Variants in TIAM1 observed in about 807,000 individuals in gnomAD.
The protein encoded by TIAM1 is TIAM Rac1 associated GEF 1, also known as rho guanine nucleotide exchange factor TIAM1.
In TIAM1, 65 loss-of-function variants were observed where a neutral mutation model predicts 163.5. The ratio of observed to expected loss-of-function variants is 0.40; its 90% CI spans 0.33 to 0.49. The LOEUF is 0.49. Ranked by LOEUF, TIAM1 falls within the 20% of genes least tolerant of loss-of-function variation. The probability of loss-of-function intolerance (pLI) is 0.77; values close to 1 mark genes in which losing one functional copy is unlikely to be tolerated. For synonymous variants in TIAM1, 833 were observed against 810.1 expected (o/e 1.03, Z -0.48); for missense variants, 1,789 against 2,044.7 (o/e 0.87, Z 2.41).
intron 25 of TIAM1, 137 bp downstream of exon 25, chr21:31,130,076 A>G (rs2082349201): frequency 1.5e-6 from 1 of 653,722 alleles, no homozygotes; most frequent in East Asian, 2.5e-5. Flanking sequence ...AGACCGAGAG[A>G]CAAGAGAGTT....
intron 16 of TIAM1, among the ~76,000 whole-genome samples, chr21:31,163,971 C>T (rs116396860): frequency 9.9e-5 from 15 of 152,120 alleles, no homozygotes; most frequent in African/African-American, 2.9e-4. Flanking sequence ...GCTTTTTTTG[C>T]GGGGGCAGTG....
At chr21:31,409,650 C>G (rs1476554877) in intron 2 of TIAM1, among the ~76,000 whole-genome samples, 1 of 152,214 alleles carries the variant, frequency 6.6e-6, no homozygotes, top group Non-Finnish European at 1.5e-5. Flanking sequence ...AGGCCCGCTT[C>G]CCTTGCAGCC....
At chr21:31,355,336 C>G (rs1399640343) in intron 2 of TIAM1, among the ~76,000 whole-genome samples, 2 of 152,016 alleles carry the variant, frequency 1.3e-5, no homozygotes, top group African/African-American at 4.8e-5. Context: ...TAGTGGCCAC[C>G]TTGGTCTATT....
At chr21:31,442,235 T>G (rs7281393) in intron 2 of TIAM1, among the ~76,000 whole-genome samples, 5,050 of 142,812 alleles carry the variant, frequency 0.035, 312 homozygotes, top group African/African-American at 0.12. Flanking sequence ...GTAGGGAGTT[T>G]TTTTTTTTTT....
chr21:31,476,789 G>A (rs1024094468), intron 1 of TIAM1, among the ~76,000 whole-genome samples: 5 of 152,202 alleles, frequency 3.3e-5, no homozygotes, highest in African/African-American at 9.7e-5. Flanking sequence ...CAGGGCAGTA[G>A]AATGCTGATG....
rs76107360 is a variant in TIAM1 at position 31,364,396 on chromosome 21, C to T, written c.-368-24974G>A. ...ACTAAGATTGTGATCAAATGAGAAA[C>T]CCTCCAAAGACCTCTGCTGAATACC... On this transcript the variant is annotated intron_variant, in intron 2 of 28. Coordinates refer to the TIAM1 transcript ENST00000286827. Among the ~76,000 whole-genome samples, 1,057 of 152,256 alleles carry T rather than the reference C, an allele frequency of 6.9e-3. 8 individuals are homozygous for T. The highest frequency in any genetic ancestry group is 0.023 in the African/African-American group (965 of 41,550).
intron 13 of TIAM1, among the ~76,000 whole-genome samples, chr21:31,189,267 C>A (rs1384008541): frequency 6.6e-6 from 1 of 151,866 alleles, no homozygotes; most frequent in African/African-American, 2.4e-5. Context: ...GCTGGCCAGA[C>A]TGGTCTCAAA....
chr21:31,303,973 A>G (rs2074599999), intron 2 of TIAM1, among the ~76,000 whole-genome samples: 1 of 152,118 alleles, frequency 6.6e-6, no homozygotes, highest in South Asian at 2.1e-4. Context: ...GTGAGACGCC[A>G]TCTCAAAAAA....
At chr21:31,394,968 T>C (rs573348903) in intron 2 of TIAM1, among the ~76,000 whole-genome samples, 4 of 152,206 alleles carry the variant, frequency 2.6e-5, no homozygotes, top group African/African-American at 9.7e-5. Flanking sequence ...CCAGGCATGA[T>C]GGCTCATACC....
intron 2 of TIAM1, among the ~76,000 whole-genome samples, chr21:31,374,400 C>A (rs1363066678): frequency 6.6e-6 from 1 of 152,190 alleles, no homozygotes. Context: ...CTTCTCCCAC[C>A]TCATATACCT....
chr21:31,291,037 C>T (rs1197307892), intron 2 of TIAM1, among the ~76,000 whole-genome samples: 1 of 152,124 alleles, frequency 6.6e-6, no homozygotes, highest in Non-Finnish European at 1.5e-5. Context: ...AATAAAACCG[C>T]ACCATATGTA....
At chr21:31,380,775 T>C (rs1293970305) in intron 2 of TIAM1, among the ~76,000 whole-genome samples, 1 of 152,174 alleles carries the variant, frequency 6.6e-6, no homozygotes, top group Non-Finnish European at 1.5e-5. Flanking sequence ...AAATCCTAAA[T>C]TTAACATATC....
In TIAM1 at chr21:31,120,327, G is replaced by A. The variant is rs1352800343; in HGVS notation, c.*41C>T. On this transcript the variant is annotated 3_prime_UTR_variant, in exon 28 of 28. Coordinates refer to ENST00000541036, the MANE Select transcript of TIAM1 (RefSeq NM_001353694.2). The surrounding 1 kb of genome is among the most constrained non-coding windows in gnomAD (Gnocchi z 4.2). ...CAGGAGGGTGGGCAGAGTTAGGGCA[G>A]GAAGTATCTACACACATTCTCTACG... 6.5e-7 allele frequency: 1 copy of A among 1,545,476 alleles called. No homozygotes were observed. Among genetic ancestry groups the A allele is most frequent in the Non-Finnish European group, 8.8e-7 (1 of 1,140,820 alleles).
intron 2 of TIAM1, among the ~76,000 whole-genome samples, chr21:31,312,773 T>C (rs2074979440): frequency 6.6e-6 from 1 of 152,182 alleles, no homozygotes; most frequent in Non-Finnish European, 1.5e-5. Flanking sequence ...TTCATGCTCC[T>C]TTCCCGGAGG....
At chr21:31,216,979 G>A (rs549577127) in intron 9 of TIAM1, among the ~76,000 whole-genome samples, 3 of 152,118 alleles carry the variant, frequency 2.0e-5, no homozygotes, top group African/African-American at 7.2e-5. Context: ...AGGCTGAGGC[G>A]GGTGGATCAT....
chr21:31,211,276 G>A (rs995801250), intron 10 of TIAM1, among the ~76,000 whole-genome samples: 1 of 152,162 alleles, frequency 6.6e-6, no homozygotes, highest in Non-Finnish European at 1.5e-5. Flanking sequence ...AGCAGAGGAT[G>A]TTCCTTAGCT....
intron 1 of TIAM1, among the ~76,000 whole-genome samples, chr21:31,464,199 G>T (rs1048647005): frequency 2.6e-5 from 4 of 152,128 alleles, no homozygotes; most frequent in Non-Finnish European, 5.9e-5. Flanking sequence ...AGAAACAAAG[G>T]CCGTAAAATT....
chr21:31,120,764 A>ATCAG lies in TIAM1; in HGVS notation c.4376_4379dup (p.Ala1461Ter). The ATCAG allele has an allele frequency of 6.2e-7, 1 of 1,614,060 alleles. No homozygotes were observed. The highest frequency in any genetic ancestry group is 1.1e-5 in the South Asian group (1 of 91,066). ...TCTCCGGGCTGCTTGCGGAGACGGC[A>ATCAG]TCAGAATCAATGGTAAACCTGTTTC... is the stretch of plus-strand genomic sequence containing the variant. On this transcript the variant is annotated stop_gained and frameshift_variant, in exon 28 of 28. Transcript: ENST00000541036. LOFTEE classifies it high-confidence loss of function. This position sits in a 1 kb window ranked among gnomAD's most constrained non-coding sequence, Gnocchi z 4.2.
rs529102418 is a variant in TIAM1 at position 31,395,499 on chromosome 21, C to T, written c.-368-56077G>A. Among the ~76,000 whole-genome samples the T allele has an allele frequency of 6.6e-6, 1 of 152,126 alleles. No individual in the cohort carries two copies. The highest frequency in any genetic ancestry group is 2.4e-5 in the African/African-American group (1 of 41,412). On this transcript the variant is annotated intron_variant, in intron 2 of 28. Transcript: ENST00000286827. The surrounding 1 kb of genome is among the most constrained non-coding windows in gnomAD (Gnocchi z 7.5). ...GGAGACCGAGGTCATCTAAACACAG[C>T]CAATCACCAGATACGCCACAGAGGC...
Sources: allele counts gnomAD v4.1 joint callset (sites outside exome capture counted in the v4.1 genomes callset), GRCh38; gene constraint gnomAD v4.1.1; non-coding constraint Gnocchi (gnomAD v3.1); transcripts MANE v1.5; gene names NCBI Gene and HGNC (gene_info 2026-07-23, HGNC 2026-07-21).